MRPS9: variants seen among roughly 807,000 people sequenced by gnomAD.
The protein encoded by MRPS9 is small ribosomal subunit protein uS9m.
MRPS9 carries 45 observed loss-of-function variants against 59.9 expected under a neutral mutation model. The ratio of observed to expected loss-of-function variants is 0.75; its 90% CI spans 0.59 to 0.96. The LOEUF is 0.96. MRPS9 is among the 40% of genes least tolerant of loss of function. MRPS9 has a pLI of 0.00. For synonymous variants in MRPS9, 171 were observed against 166.8 expected (o/e 1.03, Z -0.19); for missense variants, 473 against 481.1 (o/e 0.98, Z 0.16).
At position 105,066,579 on chromosome 2, in the gene MRPS9, G is replaced by A. The variant is rs1280086950; in HGVS notation, c.316-4734G>A. Among the ~76,000 whole-genome samples, 5 of 152,232 alleles carry A rather than the reference G, an allele frequency of 3.3e-5. No individual in the cohort carries two copies. The East Asian group carries it at 9.6e-4, about 29-fold the overall frequency. ...ATTTCCGTCTAGGATTCTATTCATT[G>A]GTCACCTAAATTAACAGTAATTTTC... On this transcript the variant is annotated intron_variant, in intron 2 of 10. Transcript: ENST00000258455.
In MRPS9 at chr2:105,088,556, C is replaced by T. The variant is rs74775611; in HGVS notation, c.490-428C>T. ...AAGTAGTAAGTCGTATTAAATAATACGTAAGTATCTATAAATACCATATAT... is the reference window on the plus strand; with the variant it reads ...AAGTAGTAAGTCGTATTAAATAATATGTAAGTATCTATAAATACCATATAT... On this transcript the variant is annotated intron_variant, in intron 5 of 10. Coordinates refer to ENST00000258455, the MANE Select transcript of MRPS9 (RefSeq NM_182640.3). Among the ~76,000 whole-genome samples, 176 of 152,030 alleles carry T rather than the reference C, an allele frequency of 1.2e-3. 2 individuals are homozygous for T. The highest frequency in any genetic ancestry group is 7.7e-3 in the East Asian group (40 of 5,176).
chr2:105,040,058 T>C (rs1013017846), intron 1 of MRPS9, among the ~76,000 whole-genome samples: 3 of 152,334 alleles, frequency 2.0e-5, no homozygotes, highest in East Asian at 3.9e-4. Flanking sequence ...CTACAGCATA[T>C]ATTTTACCAC....
At chr2:105,093,464 A>G in intron 8 of MRPS9, 66 bp from the exon 9 acceptor site, 1 of 873,190 alleles carries the variant, frequency 1.1e-6, no homozygotes, top group Non-Finnish European at 1.8e-6. Flanking sequence ...ATTTTAATGT[A>G]GTTTTACCTG....
At chr2:105,075,908 A>G (rs1348914112) in intron 4 of MRPS9, among the ~76,000 whole-genome samples, 2 of 152,178 alleles carry the variant, frequency 1.3e-5, no homozygotes, top group African/African-American at 4.8e-5. Context: ...AAAATATATC[A>G]ATAGATCCCA....
chr2:105,080,134 G>A (rs930578900), intron 5 of MRPS9, 72 bp downstream of exon 5: 30 of 1,038,714 alleles, frequency 2.9e-5, no homozygotes, highest in Non-Finnish European at 4.0e-5. Flanking sequence ...GATACTGTTC[G>A]CAGCTTCAGA....
Position 105,099,952 on chromosome 2 carries a change from T to G in MRPS9, c.*191T>G, listed in dbSNP as rs1680755420. 2.1e-6 allele frequency: 1 copy of G among 482,424 alleles called. No individual in the cohort carries two copies. Among genetic ancestry groups the G allele is most frequent in the Admixed American group, 3.6e-5 (1 of 27,868 alleles). 29.9% of individuals were successfully genotyped at this position (482,424 alleles called of 1,614,324 possible). ...AAAAATAAAAGGAAAATAAAGAATG[T>G]TAGTTTCATTCTGCCGCTTTATTTT... On this transcript the variant is annotated 3_prime_UTR_variant, in exon 11 of 11. Transcript: ENST00000258455.
chr2:105,093,531 T>G lies in MRPS9; in HGVS notation c.822T>G (p.Gly274=). 6.4e-7 allele frequency: 1 copy of G among 1,565,214 alleles called. No individual in the cohort carries two copies. The highest frequency in any genetic ancestry group is 1.2e-5 in the South Asian group (1 of 84,920). The change falls in exon 9 of 11, where the codon GGT becomes GGG. Residue 274 remains glycine, a splice_region_variant and synonymous_variant. Coordinates refer to ENST00000258455, the MANE Select transcript of MRPS9 (RefSeq NM_182640.3). ...AATAGGAATTTTATATTTTTGAAGGTAAAAGAAAGACTGCAAAAGCAGAAG... is the reference window on the plus strand; with the variant it reads ...AATAGGAATTTTATATTTTTGAAGGGAAAAGAAAGACTGCAAAAGCAGAAG... ...EQGMAFSKSE[G]KRKTAKAEAI...
chr2:105,098,878 A>G (rs1218000422), intron 10 of MRPS9, among the ~76,000 whole-genome samples: 2 of 152,192 alleles, frequency 1.3e-5, no homozygotes, highest in Non-Finnish European at 2.9e-5. Flanking sequence ...CATCAGTGGT[A>G]TTCTTGGAAT....
At chr2:105,082,148 C>T (rs1243470252) in intron 5 of MRPS9, among the ~76,000 whole-genome samples, 1 of 152,186 alleles carries the variant, frequency 6.6e-6, no homozygotes, top group African/African-American at 2.4e-5. Flanking sequence ...GGATGGCTGT[C>T]CCCACTGCAG....
At chr2:105,086,480 T>C (rs1197173122) in intron 5 of MRPS9, among the ~76,000 whole-genome samples, 1 of 152,194 alleles carries the variant, frequency 6.6e-6, no homozygotes, top group African/African-American at 2.4e-5. Flanking sequence ...TCAAAAGTCA[T>C]TGGGAAATGA....
intron 4 of MRPS9, among the ~76,000 whole-genome samples, chr2:105,071,878 A>T (rs2104454938): frequency 6.6e-6 from 1 of 152,266 alleles, no homozygotes; most frequent in East Asian, 1.9e-4. Context: ...TTCTTTCAAT[A>T]CTTTAATGAT....
chr2:105,054,225 A>G (rs765657455), intron 2 of MRPS9, among the ~76,000 whole-genome samples: 9 of 152,212 alleles, frequency 5.9e-5, no homozygotes, highest in Non-Finnish European at 1.3e-4. Flanking sequence ...GCAGTGTGTT[A>G]TTATTCCTGT....
rs78543620 is a variant in MRPS9 at position 105,051,896 on chromosome 2, T to G, written c.315+2546T>G. On this transcript the variant is annotated intron_variant, in intron 2 of 10. Transcript: ENST00000258455. ...TATTTTTGATTTTGAATCTACATCC[T>G]TGCTGAACTTACTAATTCTCATAGT... Among the ~76,000 whole-genome samples, 44 of 152,324 alleles carry G rather than the reference T, an allele frequency of 2.9e-4. No individual in the cohort carries two copies. In the East Asian group the frequency reaches 8.3e-3, roughly 29 times the overall value.
chr2:105,046,064 C>A lies in MRPS9; in HGVS notation c.136-3107C>A, dbSNP rs917328936. On this transcript the variant is annotated intron_variant, in intron 1 of 10. Coordinates refer to ENST00000258455, the MANE Select transcript of MRPS9 (RefSeq NM_182640.3). ...AATTTTTAGTAGAGATGGGGTCTCA[C>A]AATGTTGGCCAGGCTGGTCTCAAAC... Among the ~76,000 whole-genome samples the A allele has an allele frequency of 3.0e-4, 46 of 151,990 alleles. 1 individual carries two copies. Among genetic ancestry groups the A allele is most frequent in the Non-Finnish European group, 4.9e-4 (33 of 67,940 alleles).
At chr2:105,084,242 A>G (rs1212438796) in intron 5 of MRPS9, among the ~76,000 whole-genome samples, 1 of 139,150 alleles carries the variant, frequency 7.2e-6, no homozygotes, top group African/African-American at 2.6e-5. Flanking sequence ...TGAAATATAT[A>G]CCAAAATATA....
rs969541271 is a variant in MRPS9 at position 105,080,044 on chromosome 2, A to G, written c.471A>G (p.Ser157=). The part of the protein sequence containing the change: ...FHYLFYTGKQ[S]YYSLMHDVYG... ...ATCTCTTCTATACTGGCAAACAGTCATACTATTCATTAATGCATGTAAGTA... is the reference window on the plus strand; with the variant it reads ...ATCTCTTCTATACTGGCAAACAGTCGTACTATTCATTAATGCATGTAAGTA... Residue 157 remains serine, a synonymous_variant, in exon 5 of 11, where the codon TCA becomes TCG. Coordinates refer to ENST00000258455, the MANE Select transcript of MRPS9 (RefSeq NM_182640.3). The G allele has an allele frequency of 6.2e-7, 1 of 1,607,566 alleles. No homozygotes were observed. The highest frequency in any genetic ancestry group is 1.7e-5 in the Admixed American group (1 of 59,504).
At chr2:105,057,380 T>C (rs1679813616) in intron 2 of MRPS9, among the ~76,000 whole-genome samples, 1 of 152,204 alleles carries the variant, frequency 6.6e-6, no homozygotes, top group African/African-American at 2.4e-5. Context: ...TTGATCAGTG[T>C]GTAAAAATTT....
intron 1 of MRPS9, among the ~76,000 whole-genome samples, chr2:105,048,009 G>A (rs1000094755): frequency 6.6e-5 from 10 of 151,994 alleles, no homozygotes; most frequent in Non-Finnish European, 1.3e-4. Context: ...GTGTAAAAGT[G>A]TTCCTATTTC....
At chr2:105,088,929 A>G in intron 5 of MRPS9, 55 bp from the exon 6 acceptor site, 3 of 1,226,980 alleles carry the variant, frequency 2.4e-6, no homozygotes, top group Non-Finnish European at 3.5e-6. Context: ...ATCAGAAGTT[A>G]TAATGTACCA....
Sources: gnomAD v4.1 joint callset for allele counts (sites outside exome capture counted in the v4.1 genomes callset) on GRCh38, gnomAD v4.1.1 for gene constraint, MANE v1.5 for transcripts, NCBI Gene and HGNC (gene_info 2026-07-23, HGNC 2026-07-21) for gene names.